Variants in AEN observed in about 807,000 individuals in gnomAD.
AEN encodes the protein apoptosis enhancing nuclease.
Under a neutral mutation model 17.7 loss-of-function variants are expected in AEN, and 21 were observed. The ratio of observed to expected loss-of-function variants is 1.19; its 90% confidence interval spans 0.84 to 1.71. The LOEUF is 1.71. AEN is among the 40% of genes most tolerant of loss of function. The probability of loss-of-function intolerance (pLI) is 0.00; values close to 1 mark genes in which losing one functional copy is unlikely to be tolerated. For synonymous variants in AEN, 190 were observed against 173.0 expected (o/e 1.10, Z -0.77); for missense variants, 462 against 435.9 (o/e 1.06, Z -0.53).
Position 88,631,581 on chromosome 15 carries a change from G to A in AEN, c.*1287G>A, listed in dbSNP as rs2057928735. On this transcript the variant is annotated 3_prime_UTR_variant, in exon 4 of 4. Coordinates refer to ENST00000332810, the MANE Select transcript of AEN (RefSeq NM_022767.4). ...GGCCTACCTCATAGGGTTGTAATGA[G>A]CACTAAATGTGAAGTGCTTGGCACA... 1.3e-5 allele frequency: 2 copies of A among 159,554 alleles called. No homozygotes were observed. Among genetic ancestry groups the A allele is most frequent in the African/African-American group, 4.8e-5 (2 of 41,732 alleles). The allele number at this position is 159,554 out of a possible 1,614,324, so 9.9% of individuals were successfully genotyped here. A position where few individuals can be genotyped will look rare whatever the true frequency, so the allele number is the denominator to read the frequency against.
At chr15:88,629,531 T>G in intron 3 of AEN, 105 bp downstream of exon 3, 1 of 1,369,048 alleles carries the variant, frequency 7.3e-7, no homozygotes, top group Non-Finnish European at 1.0e-6. Context: ...TCCTTGTCAT[T>G]CTCTTCCCTA....
the AEN span, among the ~76,000 whole-genome samples, chr15:88,614,689 G>A: frequency 7.9e-5 from 12 of 152,256 alleles, no homozygotes; most frequent in East Asian, 2.3e-3. Flanking sequence ...TGGATGAGCA[G>A]AGAGGCAGCG....
At chr15:88,606,735 T>C in the AEN span, among the ~76,000 whole-genome samples, 1 of 152,232 alleles carries the variant, frequency 6.6e-6, no homozygotes, top group African/African-American at 2.4e-5. Flanking sequence ...AGGCCCCGTC[T>C]GGGGAAATCC....
chr15:88,615,578 C>T, the AEN span, among the ~76,000 whole-genome samples: 1 of 152,218 alleles, frequency 6.6e-6, no homozygotes, highest in Admixed American at 6.5e-5. Context: ...TTCGGCATGC[C>T]TCAGGATTAG....
chr15:88,621,479 C>G (rs1333335405), intron 1 of AEN, 97 bp downstream of exon 1: 1 of 152,416 alleles, frequency 6.6e-6, no homozygotes, highest in Non-Finnish European at 1.5e-5. Context: ...CCGCCCCGGC[C>G]TGCGGCGGGG....
At chr15:88,609,938 G>C in the AEN span, among the ~76,000 whole-genome samples, 4 of 152,218 alleles carry the variant, frequency 2.6e-5, no homozygotes, top group Non-Finnish European at 5.9e-5. Context: ...TAATGAGTGA[G>C]AGTCCCTGCT....
At chr15:88,626,969 G>C in intron 2 of AEN, 1 of 579,906 alleles carries the variant, frequency 1.7e-6, no homozygotes. Flanking sequence ...ACAGGACAAT[G>C]TAGAAAGGCT....
the AEN span, among the ~76,000 whole-genome samples, chr15:88,608,639 T>C: frequency 6.6e-6 from 1 of 152,252 alleles, no homozygotes; most frequent in South Asian, 2.1e-4. Context: ...TCTACTCAGC[T>C]CTCAGCTTTG....
the AEN span, among the ~76,000 whole-genome samples, chr15:88,612,892 TGCCTGGCCTCCCA>T: frequency 1.3e-5 from 2 of 152,138 alleles, no homozygotes; most frequent in African/African-American, 4.8e-5. Flanking sequence ...TCAGCCACCT[TGCCTGGCCTCCCA>T]GCCTTTCTGC....
intron 3 of AEN, among the ~76,000 whole-genome samples, chr15:88,629,690 C>A (rs913475573): frequency 1.3e-5 from 2 of 152,212 alleles, no homozygotes; most frequent in Non-Finnish European, 2.9e-5. Context: ...TCTGTCCCCT[C>A]CCTAACTCTT....
intron 1 of AEN, among the ~76,000 whole-genome samples, chr15:88,624,194 T>A (rs2057822048): frequency 6.6e-6 from 1 of 152,186 alleles, no homozygotes. Flanking sequence ...CCGCCCAGCA[T>A]CTGGCACAGT....
chr15:88,610,514 T>A, the AEN span, among the ~76,000 whole-genome samples: 2 of 152,058 alleles, frequency 1.3e-5, no homozygotes, highest in Non-Finnish European at 1.5e-5. Flanking sequence ...AAAGAACTTC[T>A]TGGTTTTTCT....
At chr15:88,628,751 A>G (rs2057886960) in intron 2 of AEN, 1 of 154,562 alleles carries the variant, frequency 6.5e-6, no homozygotes, top group Non-Finnish European at 1.4e-5. Flanking sequence ...CATTAAAAAA[A>G]AAGAATAAAT....
rs1255149192 is a variant in AEN, at chr15:88,626,684, C to T, written c.475C>T (p.Arg159Cys). 12 of 1,613,662 alleles carry T rather than the reference C, an allele frequency of 7.4e-6. No individual in the cohort carries two copies. The highest frequency in any genetic ancestry group is 2.7e-5 in the African/African-American group (2 of 74,936). ...GATGCCCATCGCTGACTACCGTACC[C>T]GCTGGAGTGGCATCACTCGGCAGCA... Reference protein sequence around the residue: ...PEMPIADYRTRWSGITRQHMR... With the variant: ...PEMPIADYRTCWSGITRQHMR... The change falls in exon 2 of 4, where the codon CGC becomes TGC. Residue 159 changes from arginine to cysteine, a missense_variant. Arg to Cys is a radical substitution (Grantham distance 180). Transcript: ENST00000332810.
the AEN span, among the ~76,000 whole-genome samples, chr15:88,615,017 C>G: frequency 6.6e-6 from 1 of 152,160 alleles, no homozygotes; most frequent in African/African-American, 2.4e-5. Context: ...GCGCCCGCCA[C>G]CACGCCCGGC....
chr15:88,626,820 C>A (rs1232984191), intron 2 of AEN, 71 bp downstream of exon 2: 1 of 1,509,802 alleles, frequency 6.6e-7, no homozygotes, highest in South Asian at 1.2e-5. Context: ...GTTTGAATCA[C>A]CACTTTGCTT....
At chr15:88,622,978 T>A (rs1050357943) in intron 1 of AEN, among the ~76,000 whole-genome samples, 2 of 152,210 alleles carry the variant, frequency 1.3e-5, no homozygotes, top group Non-Finnish European at 2.9e-5. Flanking sequence ...ATAACTTAAT[T>A]TCTGGCTTCT....
chr15:88,611,433 T>TAAAAAA, the AEN span, among the ~76,000 whole-genome samples: 3 of 94,026 alleles, frequency 3.2e-5, no homozygotes, highest in African/African-American at 1.2e-4. Context: ...TTGTCTTTAC[T>TAAAAAA]AAAAAAAAAA....
At chr15:88,625,486 C>G (rs2057839445) in intron 1 of AEN, among the ~76,000 whole-genome samples, 1 of 152,098 alleles carries the variant, frequency 6.6e-6, no homozygotes, top group Non-Finnish European at 1.5e-5. Flanking sequence ...GCCTGGGTGA[C>G]AGAGCAAGAA....
Sources: allele counts gnomAD v4.1 joint callset (sites outside exome capture counted in the v4.1 genomes callset), GRCh38; gene constraint gnomAD v4.1.1; transcripts MANE v1.5; gene names NCBI Gene and HGNC (gene_info 2026-07-23, HGNC 2026-07-21).